Variants in IGSF10 observed in about 807,000 individuals in gnomAD.
IGSF10 encodes immunoglobulin superfamily member 10, also known as calvaria mechanical force protein 608.
Under a neutral mutation model 128.2 loss-of-function variants are expected in IGSF10, and 126 were observed. That is an observed-to-expected ratio of 0.98 (90% CI 0.85 to 1.14). IGSF10 has a LOEUF of 1.14. IGSF10 is among the 50% of genes most tolerant of loss of function. IGSF10 has a pLI of 0.00. For missense variants in IGSF10, 3,295 were observed against 3,149.8 expected (o/e 1.05, Z -1.10); for synonymous variants, 1,185 against 1,146.2 (o/e 1.03, Z -0.68).
At chr3:151,503,907 G>A in the IGSF10 span, among the ~76,000 whole-genome samples, 2 of 151,996 alleles carry the variant, frequency 1.3e-5, no homozygotes, top group African/African-American at 4.8e-5. Context: ...TCGCAGAACT[G>A]GTTGAGCCCA....
chr3:151,613,285 G>A, the IGSF10 span, among the ~76,000 whole-genome samples: 2 of 151,300 alleles, frequency 1.3e-5, no homozygotes, highest in South Asian at 2.1e-4. Flanking sequence ...TCCCCATCAA[G>A]CTACCAATGA....
the IGSF10 span, among the ~76,000 whole-genome samples, chr3:151,558,063 G>A: frequency 3.2e-5 from 1 of 31,196 alleles, no homozygotes; most frequent in East Asian, 9.7e-4. Context: ...ATTCTGTTAG[G>A]AAGAGCTTTG....
At chr3:151,497,763 T>C in the IGSF10 span, among the ~76,000 whole-genome samples, 3,534 of 152,270 alleles carry the variant, frequency 0.023, 102 homozygotes, top group East Asian at 0.062. Flanking sequence ...TGAATTACTT[T>C]GGGCAGTATG....
the IGSF10 span, among the ~76,000 whole-genome samples, chr3:151,532,400 C>CTGA: frequency 5.3e-4 from 81 of 152,102 alleles, no homozygotes; most frequent in African/African-American, 1.8e-3. Flanking sequence ...GCCAGTATCC[C>CTGA]TGATGAAGAT....
the IGSF10 span, among the ~76,000 whole-genome samples, chr3:151,518,611 G>T: frequency 6.6e-6 from 1 of 151,934 alleles, no homozygotes; most frequent in South Asian, 2.1e-4. Context: ...TTCAAAATAT[G>T]GATATAACTC....
At chr3:151,499,561 A>G in the IGSF10 span, 2 of 152,116 alleles carry the variant, frequency 1.3e-5, no homozygotes, top group Non-Finnish European at 2.9e-5. Flanking sequence ...TAAACTCTCT[A>G]TGAACAAGAG....
At chr3:151,432,608 T>G, downstream of IGSF10, 1 of 577,408 alleles carries the variant, frequency 1.7e-6, no homozygotes, top group Non-Finnish European at 3.1e-6. Flanking sequence ...ACCACAAGGG[T>G]TTTTCAGGGC....
the IGSF10 span, among the ~76,000 whole-genome samples, chr3:151,552,413 G>A: frequency 6.6e-6 from 1 of 152,152 alleles, no homozygotes; most frequent in Non-Finnish European, 1.5e-5. Context: ...TGGAGAGCCA[G>A]CAAACCGAGA....
At chr3:151,598,183 G>A in the IGSF10 span, among the ~76,000 whole-genome samples, 1 of 151,766 alleles carries the variant, frequency 6.6e-6, no homozygotes, top group Admixed American at 6.6e-5. Context: ...TTCCTGCCCT[G>A]GGTTTGTAGT....
upstream of IGSF10, among the ~76,000 whole-genome samples, chr3:151,463,543 T>TTTTTG (rs1722158797): frequency 3.8e-5 from 4 of 106,560 alleles, no homozygotes; most frequent in African/African-American, 3.8e-5. Flanking sequence ...TTTTTTTTTT[T>TTTTTG]TTTTTTTTTT....
chr3:151,617,736 T>C, the IGSF10 span, among the ~76,000 whole-genome samples: 2 of 152,054 alleles, frequency 1.3e-5, no homozygotes, highest in Non-Finnish European at 2.9e-5. Flanking sequence ...CCTTTGAAAC[T>C]TATGTTGAAA....
chr3:151,530,259 G>A, the IGSF10 span, among the ~76,000 whole-genome samples: 12 of 152,016 alleles, frequency 7.9e-5, no homozygotes, highest in Non-Finnish European at 1.6e-4. Context: ...TAAAAGAGAC[G>A]GGGAGAGTGT....
upstream of IGSF10, among the ~76,000 whole-genome samples, chr3:151,462,749 A>C (rs1037914762): frequency 6.6e-6 from 1 of 152,370 alleles, no homozygotes; most frequent in Middle Eastern, 3.4e-3. Flanking sequence ...TCAGTTACCA[A>C]AGTAGAATTA....
At position 151,443,401 on chromosome 3, in the gene IGSF10, C is replaced by T. The variant is rs755962380; in HGVS notation, c.5546G>A (p.Arg1849Lys). The T allele has an allele frequency of 1.2e-6, 2 of 1,614,208 alleles. No homozygotes were observed. The highest frequency in any genetic ancestry group is 3.3e-5 in the Admixed American group (2 of 60,026). The change falls in exon 7 of 8, where the codon AGG becomes AAG. Residue 1849 changes from arginine (R) to lysine (K), a missense_variant. Transcript: ENST00000282466. ...ACCCCAAGTGCCTACAATGACTTGCCTCCTTTGCTCTAGAATAACAGGTGG... is the reference window on the plus strand; with the variant it reads ...ACCCCAAGTGCCTACAATGACTTGCTTCCTTTGCTCTAGAATAACAGGTGG... The part of the protein sequence containing the change: ...AAPPVILEQR[R>K]QVIVGTWGES...
chr3:151,529,047 GTAGGCAAT>G, the IGSF10 span, among the ~76,000 whole-genome samples: 7 of 152,238 alleles, frequency 4.6e-5, no homozygotes, highest in South Asian at 1.5e-3. Context: ...TGAGGCTTGG[GTAGGCAAT>G]TTTACCCTCA....
At chr3:151,473,787 T>TAC in the IGSF10 span, among the ~76,000 whole-genome samples, 1 of 152,208 alleles carries the variant, frequency 6.6e-6, no homozygotes, top group Non-Finnish European at 1.5e-5. Flanking sequence ...TATTCTGTTC[T>TAC]ACCTCCTCGT....
chr3:151,545,575 T>C, the IGSF10 span, among the ~76,000 whole-genome samples: 15 of 152,232 alleles, frequency 9.9e-5, no homozygotes, highest in African/African-American at 3.4e-4. Flanking sequence ...TAAGTTTCCA[T>C]AGGGAAAATT....
chr3:151,593,282 T>G, the IGSF10 span, among the ~76,000 whole-genome samples: 13 of 152,034 alleles, frequency 8.6e-5, no homozygotes, highest in Non-Finnish European at 1.3e-4. Flanking sequence ...CTGGCTAATT[T>G]TTGTATTTTT....
At chr3:151,573,654 C>T in the IGSF10 span, among the ~76,000 whole-genome samples, 1 of 152,172 alleles carries the variant, frequency 6.6e-6, no homozygotes, top group Non-Finnish European at 1.5e-5. Flanking sequence ...CTGAACACAG[C>T]ACATGGATGG....
Sources: gnomAD v4.1 joint callset for allele counts (sites outside exome capture counted in the v4.1 genomes callset) on GRCh38, gnomAD v4.1.1 for gene constraint, MANE v1.5 for transcripts, NCBI Gene and HGNC (gene_info 2026-07-23, HGNC 2026-07-21) for gene names.